The following TBC1D22A variants were observed in gnomAD, a reference collection of about 807,000 sequenced individuals.
TBC1D22A encodes the protein putative GTPase activator.
Under a neutral mutation model 60.2 loss-of-function variants are expected in TBC1D22A, and 38 were observed. That is an observed-to-expected ratio of 0.63 (90% confidence interval 0.49 to 0.83). The LOEUF (loss-of-function observed/expected upper bound fraction) is 0.83. TBC1D22A is among the 40% of genes least tolerant of loss of function. The pLI is 0.00. For missense variants in TBC1D22A, 628 were observed against 701.0 expected, an observed-to-expected ratio of 0.90 and a Z score of 1.18; for synonymous variants, 302 against 281.7, an observed-to-expected ratio of 1.07 and a Z score of -0.72.
At chr22:46,886,749 A>G (rs1816311598) in intron 5 of TBC1D22A, among the ~76,000 whole-genome samples, 1 of 152,180 alleles carries the variant, frequency 6.6e-6, no homozygotes, top group Non-Finnish European at 1.5e-5. Flanking sequence ...CGGTTGGCAA[A>G]TGTTTTCTGT....
At chr22:46,884,488 CG>C (rs1283732999) in intron 5 of TBC1D22A, among the ~76,000 whole-genome samples, 2 of 152,214 alleles carry the variant, frequency 1.3e-5, no homozygotes, top group Admixed American at 6.5e-5. Context: ...CTCCCACAGC[CG>C]GGGAGGTGGA....
At chr22:46,842,928 G>C (rs752028212) in intron 4 of TBC1D22A, among the ~76,000 whole-genome samples, 2 of 152,210 alleles carry the variant, frequency 1.3e-5, no homozygotes, top group Non-Finnish European at 2.9e-5. Context: ...AGGTGCTGCG[G>C]CCCATGTTCA....
chr22:47,043,424 G>C (rs117593752), intron 11 of TBC1D22A, among the ~76,000 whole-genome samples: 1 of 152,198 alleles, frequency 6.6e-6, no homozygotes, highest in Non-Finnish European at 1.5e-5. Flanking sequence ...CAGTGCTCCA[G>C]GTGAGAGACA....
intron 11 of TBC1D22A, among the ~76,000 whole-genome samples, chr22:47,063,503 G>C (rs1191848795): frequency 6.6e-6 from 1 of 152,172 alleles, no homozygotes; most frequent in African/African-American, 2.4e-5. Flanking sequence ...GGCCATTGTG[G>C]TACAAGGCCT....
chr22:46,841,814 T>C (rs2093463321), intron 4 of TBC1D22A, among the ~76,000 whole-genome samples: 1 of 152,240 alleles, frequency 6.6e-6, no homozygotes, highest in Non-Finnish European at 1.5e-5. Context: ...TTGGAATTTG[T>C]TAAGAAAGTA....
At chr22:46,912,235 G>C (rs926385658) in intron 8 of TBC1D22A, 47 bp downstream of exon 8, 2 of 1,348,984 alleles carry the variant, frequency 1.5e-6, no homozygotes, top group South Asian at 1.2e-5. Flanking sequence ...TGGACTTGCT[G>C]TGTGTTACTA....
chr22:46,869,765 A>G (rs1422571898), intron 4 of TBC1D22A, among the ~76,000 whole-genome samples: 2 of 152,236 alleles, frequency 1.3e-5, no homozygotes, highest in Admixed American at 6.5e-5. Context: ...TTATTATTAC[A>G]AAAGGTTTTA....
chr22:46,763,763 G>A (rs2083192342), intron 1 of TBC1D22A: 1 of 152,192 alleles, frequency 6.6e-6, no homozygotes, highest in Admixed American at 6.5e-5. Flanking sequence ...TTGAGTGTTT[G>A]AATGATAAAC....
chr22:46,893,095 G>A (rs2068487650), intron 6 of TBC1D22A, among the ~76,000 whole-genome samples: 1 of 152,264 alleles, frequency 6.6e-6, no homozygotes, highest in Non-Finnish European at 1.5e-5. Flanking sequence ...CCCGCAGTGG[G>A]CAATGCCACC....
In TBC1D22A at chr22:47,028,535, A is replaced by C. The variant is rs1388702532; in HGVS notation, c.1202-8536A>C. Among the ~76,000 whole-genome samples the C allele has an allele frequency of 2.0e-5, 3 of 151,120 alleles. No individual in the cohort carries two copies. The highest frequency in any genetic ancestry group is 7.3e-5 in the African/African-American group (3 of 40,930). On this transcript the variant is annotated intron_variant, in intron 10 of 12. Transcript: ENST00000337137. This position sits in a 1 kb window ranked among gnomAD's most constrained non-coding sequence, Gnocchi z 4.4. ...CCTGTCCCCCACGGCCCAGGTTCTG[A>C]GAGTGAGTGGTCGCGTTCCTGTCCC...
At chr22:46,810,383 C>T (rs1000810989) in intron 4 of TBC1D22A, among the ~76,000 whole-genome samples, 8 of 152,014 alleles carry the variant, frequency 5.3e-5, no homozygotes, top group Non-Finnish European at 8.8e-5. Flanking sequence ...CTTACTCCAC[C>T]CCATTCTTTT....
At chr22:46,954,010 T>A (rs1436008359) in intron 8 of TBC1D22A, among the ~76,000 whole-genome samples, 1 of 152,224 alleles carries the variant, frequency 6.6e-6, no homozygotes, top group African/African-American at 2.4e-5. Flanking sequence ...CCAGAGACAG[T>A]CTGCATCTTA....
chr22:46,858,967 C>T lies in TBC1D22A; in HGVS notation c.638-19686C>T, dbSNP rs115566953. ...CCCACGCGCAGACCAGAATCCTTTT[C>T]GATAGAGGTCTGTGTAGTGCTGTGC... On this transcript the variant is annotated intron_variant, in intron 4 of 12. Coordinates refer to ENST00000337137, the MANE Select transcript of TBC1D22A (RefSeq NM_014346.5). 1.5e-3 allele frequency among the ~76,000 whole-genome samples: 217 copies of T among 148,328 alleles called. 2 individuals carry two copies. The highest frequency in any genetic ancestry group is 4.8e-3 in the African/African-American group (195 of 40,392).
At chr22:47,041,877 C>G (rs2062856046) in intron 11 of TBC1D22A, among the ~76,000 whole-genome samples, 1 of 152,230 alleles carries the variant, frequency 6.6e-6, no homozygotes, top group African/African-American at 2.4e-5. Context: ...GTGGCCGTGT[C>G]CCTGTGAGAC....
intron 8 of TBC1D22A, among the ~76,000 whole-genome samples, chr22:46,941,500 AATAT>A (rs1394397761): frequency 1.4e-5 from 2 of 143,582 alleles, no homozygotes; most frequent in African/African-American, 2.6e-5. Flanking sequence ...ATATACACGG[AATAT>A]ATATACGGAA....
Position 46,918,135 on chromosome 22 carries a change from C to T in TBC1D22A, c.1015+5947C>T, listed in dbSNP as rs899420048. Among the ~76,000 whole-genome samples the T allele has an allele frequency of 2.0e-5, 3 of 152,210 alleles. 1 individual carries two copies. Among genetic ancestry groups the T allele is most frequent in the South Asian group, 4.1e-4 (2 of 4,830 alleles). ...AAACAGCTTAGAACCAGGTATGGAA[C>T]GCAGTAAGTGTCCAGTATGCGTTGC... On this transcript the variant is annotated intron_variant, in intron 8 of 12. Coordinates refer to ENST00000337137, the MANE Select transcript of TBC1D22A (RefSeq NM_014346.5).
intron 4 of TBC1D22A, among the ~76,000 whole-genome samples, chr22:46,840,048 T>C (rs975096984): frequency 6.6e-6 from 1 of 152,200 alleles, no homozygotes; most frequent in Admixed American, 6.5e-5. Flanking sequence ...CAGTGCCTTT[T>C]TAGATATGAC....
chr22:47,032,714 G>C (rs945077971), intron 10 of TBC1D22A, among the ~76,000 whole-genome samples: 4 of 152,226 alleles, frequency 2.6e-5, no homozygotes, highest in Admixed American at 1.3e-4. Context: ...GTGCAGTGTG[G>C]CCGTGTGTCC....
chr22:47,153,403 G>A (rs1348183257), intron 12 of TBC1D22A, among the ~76,000 whole-genome samples: 1 of 152,100 alleles, frequency 6.6e-6, no homozygotes, highest in Non-Finnish European at 1.5e-5. Context: ...TGGCTGTTGA[G>A]TGGTACTTGG....
Sources: allele counts gnomAD v4.1 joint callset (sites outside exome capture counted in the v4.1 genomes callset), GRCh38; gene constraint gnomAD v4.1.1; non-coding constraint Gnocchi (gnomAD v3.1); transcripts MANE v1.5; gene names NCBI Gene and HGNC (gene_info 2026-07-23, HGNC 2026-07-21).